The following SLC22A23 variants were observed in gnomAD, a reference collection of about 807,000 sequenced individuals.
The protein encoded by SLC22A23 is ion transporter protein.
SLC22A23 carries 26 observed loss-of-function variants against 61.0 expected under a neutral mutation model. That is an observed-to-expected ratio of 0.43 (90% confidence interval 0.31 to 0.59). The LOEUF (loss-of-function observed/expected upper bound fraction) is 0.59, where lower values mean the gene tolerates loss of function less well. Among genes scored for constraint, SLC22A23 ranks in the 20% least tolerant of loss-of-function variants. The pLI is 0.11. For synonymous variants in SLC22A23, 430 were observed against 413.9 expected, an observed-to-expected ratio of 1.04 and a Z score of -0.47; for missense variants, 796 against 934.7, an observed-to-expected ratio of 0.85 and a Z score of 1.94.
In SLC22A23 at chr6:3,390,436, C is replaced by T. The variant is rs1183642155; in HGVS notation, c.913+19752G>A. On this transcript the variant is annotated intron_variant, in intron 3 of 9. Transcript: ENST00000406686. This position sits in a 1 kb window ranked among gnomAD's most constrained non-coding sequence, Gnocchi z 4.0. ...AAGTCCAATTAAGTCCAAGTGCCAA[C>T]CTAACATGAGAAGGCTAAGAATTCT... is the stretch of plus-strand genomic sequence containing the variant. 6.6e-6 allele frequency among the ~76,000 whole-genome samples: 1 copy of T among 152,158 alleles called. No individual in the cohort carries two copies. The highest frequency in any genetic ancestry group is 1.5e-5 in the Non-Finnish European group (1 of 68,036).
intron 1 of SLC22A23, among the ~76,000 whole-genome samples, chr6:3,448,364 C>G (rs1196445954): frequency 6.6e-6 from 1 of 152,210 alleles, no homozygotes; most frequent in African/African-American, 2.4e-5. Context: ...CATGACATTA[C>G]TGAATGTGAA....
intron 3 of SLC22A23, among the ~76,000 whole-genome samples, chr6:3,373,184 C>T (rs1766336685): frequency 6.6e-6 from 1 of 152,220 alleles, no homozygotes; most frequent in Non-Finnish European, 1.5e-5. Flanking sequence ...TGACCAGTCC[C>T]ACAAAACCCC....
chr6:3,429,025 A>G (rs1770688674), intron 1 of SLC22A23, among the ~76,000 whole-genome samples: 1 of 152,128 alleles, frequency 6.6e-6, no homozygotes, highest in East Asian at 1.9e-4. Flanking sequence ...CACACTTTCA[A>G]GGGCATGTCT....
chr6:3,448,769 C>A (rs922813550), intron 1 of SLC22A23, among the ~76,000 whole-genome samples: 4 of 152,206 alleles, frequency 2.6e-5, no homozygotes, highest in Admixed American at 6.5e-5. Context: ...GCTGGGATTA[C>A]AGGCGTGAGC....
intron 3 of SLC22A23, among the ~76,000 whole-genome samples, chr6:3,379,277 C>T (rs1766801502): frequency 6.6e-6 from 1 of 152,144 alleles, no homozygotes; most frequent in Non-Finnish European, 1.5e-5. Context: ...TTCCTCTTGG[C>T]AAAAGTAGTT....
chr6:3,377,459 C>T (rs1342554645), intron 3 of SLC22A23, among the ~76,000 whole-genome samples: 1 of 152,212 alleles, frequency 6.6e-6, no homozygotes, highest in African/African-American at 2.4e-5. Context: ...CTCCTGGACC[C>T]TCTGGCAGGG....
intron 1 of SLC22A23, among the ~76,000 whole-genome samples, chr6:3,431,431 G>T (rs964250063): frequency 5.9e-5 from 9 of 152,228 alleles, no homozygotes; most frequent in Admixed American, 2.6e-4. Flanking sequence ...GGGAGGGAGG[G>T]CTGTTAAAGG....
At chr6:3,406,892 C>T (rs528463932) in intron 3 of SLC22A23, among the ~76,000 whole-genome samples, 1 of 152,042 alleles carries the variant, frequency 6.6e-6, no homozygotes, top group African/African-American at 2.4e-5. Flanking sequence ...AGCAGCCTTG[C>T]AAATAAAGCA....
chr6:3,377,574 A>G (rs147276379), intron 3 of SLC22A23, among the ~76,000 whole-genome samples: 1 of 152,310 alleles, frequency 6.6e-6, no homozygotes, highest in African/African-American at 2.4e-5. Context: ...TATGGCTTTA[A>G]TGCCTTCCCC....
intron 3 of SLC22A23, among the ~76,000 whole-genome samples, chr6:3,403,235 T>C (rs948331614): frequency 5.3e-5 from 8 of 152,094 alleles, no homozygotes; most frequent in Non-Finnish European, 1.0e-4. Context: ...TAATTTGCTT[T>C]TAAGAACATA....
chr6:3,426,834 T>C (rs779887088), intron 1 of SLC22A23, among the ~76,000 whole-genome samples: 7 of 152,236 alleles, frequency 4.6e-5, no homozygotes, highest in Non-Finnish European at 8.8e-5. Flanking sequence ...TACTCAACTA[T>C]AGTAGTTCTC....
At chr6:3,378,969 G>A (rs1452962785) in intron 3 of SLC22A23, among the ~76,000 whole-genome samples, 1 of 152,104 alleles carries the variant, frequency 6.6e-6, no homozygotes, top group East Asian at 1.9e-4. Flanking sequence ...TCAGTGTCAG[G>A]TTTTAACATG....
intron 1 of SLC22A23, among the ~76,000 whole-genome samples, chr6:3,442,825 A>G (rs1771682294): frequency 6.6e-6 from 1 of 152,088 alleles, no homozygotes; most frequent in Non-Finnish European, 1.5e-5. Context: ...TTAAAAAAAA[A>G]AAACACCTGA....
At chr6:3,368,397 ATGCATGTG>A (rs1443311937) in intron 3 of SLC22A23, among the ~76,000 whole-genome samples, 8 of 152,274 alleles carry the variant, frequency 5.3e-5, no homozygotes, top group Admixed American at 3.3e-4. Context: ...GTGAAACTCT[ATGCATGTG>A]TGCATGTGTG....
At chr6:3,274,571 G>A (rs1023937326) in intron 9 of SLC22A23, among the ~76,000 whole-genome samples, 3 of 152,206 alleles carry the variant, frequency 2.0e-5, no homozygotes, top group Non-Finnish European at 2.9e-5. Flanking sequence ...TAGGAGGCAG[G>A]TAGATAACTC....
At position 3,432,140 on chromosome 6, in the gene SLC22A23, A is replaced by G. The variant is rs556313557; in HGVS notation, c.655-16285T>C. 8 of 913,340 alleles carry G rather than the reference A, an allele frequency of 8.8e-6. No homozygotes were observed. In the African/African-American group the frequency reaches 1.3e-4, roughly 14 times the overall value. The allele number at this position is 913,340 out of a possible 1,614,324, so 56.6% of individuals were successfully genotyped here. A position where few individuals can be genotyped will look rare whatever the true frequency, so the allele number is the denominator to read the frequency against. ...GGCTGAGTAATCCCCAAGGTTCCTC[A>G]GTGTAGAGGCGGTAGTGCTAGGGTT... On this transcript the variant is annotated intron_variant, in intron 1 of 9. Coordinates refer to ENST00000406686, the MANE Select transcript of SLC22A23 (RefSeq NM_015482.2).
Position 3,355,986 on chromosome 6 carries a change from G to A in SLC22A23, c.914-31984C>T, listed in dbSNP as rs149512992. Reference sequence around the variant, plus strand: ...TGTACAACGCAGTGTTCTAGATGTGGGAAAACCTAACGAAACTCATGAGGA... The same window carrying A: ...TGTACAACGCAGTGTTCTAGATGTGAGAAAACCTAACGAAACTCATGAGGA... On this transcript the variant is annotated intron_variant, in intron 3 of 9. Transcript: ENST00000406686. Among the ~76,000 whole-genome samples, 65 of 96,202 alleles carry A rather than the reference G, an allele frequency of 6.8e-4. 1 individual carries two copies. The highest frequency in any genetic ancestry group is 2.6e-3 in the African/African-American group (60 of 23,298). The allele number at this position is 96,202 out of a possible 152,430, so 63.1% of individuals were successfully genotyped here. A position where few individuals can be genotyped will look rare whatever the true frequency, so the allele number is the denominator to read the frequency against.
At chr6:3,299,917 A>G (rs140614683) in intron 4 of SLC22A23, among the ~76,000 whole-genome samples, 276 of 151,022 alleles carry the variant, frequency 1.8e-3, no homozygotes, top group Admixed American at 4.4e-3. Context: ...TTTTAGTTAA[A>G]TTGTATCAGG....
At chr6:3,355,649 G>A (rs1429325935) in intron 3 of SLC22A23, among the ~76,000 whole-genome samples, 4 of 152,082 alleles carry the variant, frequency 2.6e-5, no homozygotes, top group Admixed American at 2.6e-4. Flanking sequence ...CCACTCCCAG[G>A]CTCCAGAGCT....
Sources: allele counts gnomAD v4.1 joint callset (sites outside exome capture counted in the v4.1 genomes callset), GRCh38; gene constraint gnomAD v4.1.1; non-coding constraint Gnocchi (gnomAD v3.1); transcripts MANE v1.5; gene names NCBI Gene and HGNC (gene_info 2026-07-23, HGNC 2026-07-21).